Variants in NFU1 observed in about 807,000 individuals in gnomAD.
NFU1 encodes the protein NFU1 iron-sulfur cluster scaffold homolog, mitochondrial.
In NFU1, 30 loss-of-function variants were observed where a neutral mutation model predicts 32.2. That is an observed-to-expected ratio of 0.93 (90% confidence interval 0.70 to 1.26). The LOEUF (loss-of-function observed/expected upper bound fraction) is 1.26, where lower values mean the gene tolerates loss of function less well. Ranked by LOEUF, NFU1 falls within the 50% of genes most tolerant of loss-of-function variation. NFU1 has a pLI of 0.00. For missense variants in NFU1, 306 were observed against 306.6 expected (o/e 1.00, Z 0.02); for synonymous variants, 112 against 104.6 (o/e 1.07, Z -0.43).
intron 2 of NFU1, 132 bp from the exon 3 acceptor site, chr2:69,423,849 T>C: frequency 2.9e-6 from 2 of 701,196 alleles, no homozygotes; most frequent in Non-Finnish European, 4.9e-6. Flanking sequence ...TTTATTGCCC[T>C]GACAAAGCAT....
At chr2:69,432,975 C>T (rs1262448978) in intron 1 of NFU1, among the ~76,000 whole-genome samples, 1 of 151,756 alleles carries the variant, frequency 6.6e-6, no homozygotes, top group Admixed American at 6.6e-5. Context: ...CATGGTGCAA[C>T]TCCATCTCTA....
chr2:69,405,972 GA>G, intron 6 of NFU1, 49 bp downstream of exon 6: 6 of 1,187,884 alleles, frequency 5.1e-6, no homozygotes, highest in Non-Finnish European at 6.3e-6. Flanking sequence ...TTGCTATAAT[GA>G]AAAATGCCTC....
Position 69,415,155 on chromosome 2 carries a change from A to C in NFU1, c.484+30T>G, listed in dbSNP as rs376562786. ...AAATAGAAAAGTCTAAAAAAAGGAC[A>C]AATTTTAATTACTCAATACAACATG... On this transcript the variant is annotated intron_variant, in intron 5 of 7. Coordinates refer to ENST00000410022, the MANE Select transcript of NFU1 (RefSeq NM_001002755.4). The C allele has an allele frequency of 4.7e-6, 6 of 1,269,182 alleles. No individual in the cohort carries two copies. In the East Asian group the frequency reaches 9.3e-5, roughly 20 times the overall value. The allele number at this position is 1,269,182 out of a possible 1,614,324, so 78.6% of individuals were successfully genotyped here.
intron 4 of NFU1, among the ~76,000 whole-genome samples, chr2:69,418,647 T>C (rs1432965415): frequency 6.6e-6 from 1 of 151,946 alleles, no homozygotes; most frequent in African/African-American, 2.4e-5. Context: ...TTTTTTGTAT[T>C]TTTAGTAGAG....
At chr2:69,418,169 G>A (rs1354503635) in intron 4 of NFU1, among the ~76,000 whole-genome samples, 2 of 152,196 alleles carry the variant, frequency 1.3e-5, no homozygotes, top group Non-Finnish European at 2.9e-5. Context: ...GGAGGCCGAG[G>A]TGAGCAGATT....
At chr2:69,438,802 G>C (rs60808456), upstream of NFU1, among the ~76,000 whole-genome samples, 21,534 of 150,986 alleles carry the variant, frequency 0.14, 4,238 homozygotes, top group African/African-American at 0.44. Flanking sequence ...TGCCTCCTAC[G>C]AGTTTGGTTC....
chr2:69,426,844 G>A (rs1287186383), intron 2 of NFU1, among the ~76,000 whole-genome samples: 3 of 151,394 alleles, frequency 2.0e-5, no homozygotes, highest in Non-Finnish European at 2.9e-5. Flanking sequence ...CGAGGCGGGC[G>A]GATCACGAGG....
intron 4 of NFU1, among the ~76,000 whole-genome samples, chr2:69,415,838 G>A (rs10175692): frequency 6.6e-6 from 1 of 151,836 alleles, no homozygotes; most frequent in Non-Finnish European, 1.5e-5. Context: ...CTCTTAAGAA[G>A]CTTTTCCTGG....
chr2:69,439,556 A>C (rs772092973), upstream of NFU1, among the ~76,000 whole-genome samples: 8 of 152,234 alleles, frequency 5.3e-5, no homozygotes, highest in Admixed American at 2.0e-4. Context: ...AAGGGGACCC[A>C]AGCAGGTTGC....
intron 5 of NFU1, among the ~76,000 whole-genome samples, chr2:69,407,184 C>T (rs1234084064): frequency 6.6e-6 from 1 of 152,116 alleles, no homozygotes; most frequent in African/African-American, 2.4e-5. Flanking sequence ...AACTCCTGGG[C>T]TCAAGTGATC....
intron 2 of NFU1, among the ~76,000 whole-genome samples, chr2:69,424,892 T>TG (rs1673400967): frequency 6.6e-6 from 1 of 151,462 alleles, no homozygotes; most frequent in Non-Finnish European, 1.5e-5. Flanking sequence ...TTTTTTTTTT[T>TG]TTGAGGCGGA....
chr2:69,421,926 C>A (rs1173777096), intron 3 of NFU1, among the ~76,000 whole-genome samples: 5 of 151,996 alleles, frequency 3.3e-5, no homozygotes. Flanking sequence ...ATTCCAATGC[C>A]CCCAGTGGAT....
intron 5 of NFU1, among the ~76,000 whole-genome samples, chr2:69,411,516 G>A (rs984582317): frequency 2.6e-5 from 4 of 152,092 alleles, no homozygotes; most frequent in African/African-American, 9.7e-5. Flanking sequence ...CACAGTTAGG[G>A]AGATATCATT....
At chr2:69,427,552 C>T (rs1442210207) in intron 2 of NFU1, among the ~76,000 whole-genome samples, 6 of 151,144 alleles carry the variant, frequency 4.0e-5, no homozygotes, top group Non-Finnish European at 5.9e-5. Context: ...TGGTAGTGTG[C>T]GTCCGTAGTC....
upstream of NFU1, chr2:69,437,477 G>A: frequency 1.3e-6 from 2 of 1,581,928 alleles, no homozygotes; most frequent in Non-Finnish European, 1.7e-6. Flanking sequence ...GATCTGCGCA[G>A]CCGCAGGCTG....
chr2:69,421,427 C>T (rs1353720657), intron 3 of NFU1, among the ~76,000 whole-genome samples: 1 of 151,930 alleles, frequency 6.6e-6, no homozygotes, highest in Non-Finnish European at 1.5e-5. Flanking sequence ...TTCCGAGTAT[C>T]CCTGGCAATC....
At chr2:69,412,572 A>T (rs1672920388) in intron 5 of NFU1, among the ~76,000 whole-genome samples, 1 of 151,922 alleles carries the variant, frequency 6.6e-6, no homozygotes, top group Non-Finnish European at 1.5e-5. Flanking sequence ...TTTTTAGTAG[A>T]GATGGGGTTT....
chr2:69,412,089 T>A (rs536410783), intron 5 of NFU1, among the ~76,000 whole-genome samples: 37 of 152,204 alleles, frequency 2.4e-4, no homozygotes, highest in African/African-American at 7.9e-4. Context: ...TCTCGCTCTG[T>A]CACTAGGCTG....
intron 2 of NFU1, among the ~76,000 whole-genome samples, chr2:69,425,044 T>C (rs941702028): frequency 1.3e-5 from 2 of 151,872 alleles, no homozygotes; most frequent in African/African-American, 2.4e-5. Context: ...GCCCGGCTAA[T>C]TTTTTCTGTA....
Sources: allele counts gnomAD v4.1 joint callset (sites outside exome capture counted in the v4.1 genomes callset), GRCh38; gene constraint gnomAD v4.1.1; transcripts MANE v1.5; gene names NCBI Gene and HGNC (gene_info 2026-07-23, HGNC 2026-07-21).